The following INTS3 variants were observed in gnomAD, a reference collection of about 807,000 sequenced individuals.
INTS3 encodes integrator complex subunit 3, also known as SOSS complex subunit A.
In INTS3, 34 loss-of-function variants were observed where a neutral mutation model predicts 146.3. The observed-to-expected ratio is 0.23, with a 90% CI of 0.18 to 0.31. INTS3 has a LOEUF of 0.31. INTS3 is among the 10% of genes least tolerant of loss of function. INTS3 has a pLI of 1.00. For missense variants in INTS3, 757 were observed against 1,304.2 expected (o/e 0.58, Z 6.46); for synonymous variants, 475 against 494.9 (o/e 0.96, Z 0.53).
At chr1:153,748,587 T>C in intron 5 of INTS3, 102 bp from the exon 6 acceptor site, 1 of 906,608 alleles carries the variant, frequency 1.1e-6, no homozygotes, top group Admixed American at 1.7e-5. Context: ...ATGGCAGTAA[T>C]GGGATGGCAG....
chr1:153,741,104 C>T (rs563229431), intron 2 of INTS3, among the ~76,000 whole-genome samples, 181 bp from the exon 3 acceptor site: 128 of 152,216 alleles, frequency 8.4e-4, no homozygotes, highest in Non-Finnish European at 1.6e-3. Flanking sequence ...CCACACCTGT[C>T]GTCCTTATCT....
chr1:153,766,774 C>G (rs1031201038), intron 20 of INTS3: 1 of 151,334 alleles, frequency 6.6e-6, no homozygotes, highest in Non-Finnish European at 1.5e-5. Context: ...ACTGCAACCT[C>G]CGCATGCTAG....
rs1449549341 is a variant in INTS3, at chr1:153,773,307, C to T, written c.*37C>T. 1.2e-5 allele frequency: 19 copies of T among 1,562,284 alleles called. No homozygotes were observed. Among genetic ancestry groups the T allele is most frequent in the Admixed American group, 1.7e-5 (1 of 59,932 alleles). ...CCCCATCCCACCCCCGGCTGGACTG[C>T]CCTCTCCTTCTTGGTGATTCAAAGG... On this transcript the variant is annotated 3_prime_UTR_variant, in exon 30 of 30. Transcript: ENST00000318967.
At chr1:153,749,520 T>A (rs1671876147) in intron 6 of INTS3, among the ~76,000 whole-genome samples, 1 of 152,220 alleles carries the variant, frequency 6.6e-6, no homozygotes, top group Non-Finnish European at 1.5e-5. Context: ...CGTTCACACT[T>A]GTGAAAGAGA....
intron 10 of INTS3, among the ~76,000 whole-genome samples, chr1:153,758,088 TCA>T (rs1672228330): frequency 6.6e-6 from 1 of 152,202 alleles, no homozygotes. Flanking sequence ...TGTTTCTTTC[TCA>T]GATTCAGAGC....
Position 153,737,132 on chromosome 1 carries a change from A to C in INTS3, c.151-3519A>C, listed in dbSNP as rs1035089813. 2.6e-5 allele frequency among the ~76,000 whole-genome samples: 4 copies of C among 152,206 alleles called. No homozygotes were observed. The East Asian group carries it at 5.8e-4, about 22-fold the overall frequency. On this transcript the variant is annotated intron_variant, in intron 1 of 29. Coordinates refer to ENST00000318967, the MANE Select transcript of INTS3 (RefSeq NM_023015.5). ...TCAGTTCTTCAAAATGCTGTGATAG[A>C]ACCACTTCTCAATAAGATGTGTGGT...
chr1:153,744,679 T>C (rs1415871650), intron 3 of INTS3, among the ~76,000 whole-genome samples: 1 of 152,202 alleles, frequency 6.6e-6, no homozygotes, highest in East Asian at 1.9e-4. Context: ...GTTAGGAGTC[T>C]CTCAAGGCTA....
In INTS3 at chr1:153,728,618, G is replaced by T. The variant is rs1670947051; in HGVS notation, c.-17G>T. Reference sequence around the variant, plus strand: ...TCCATCCACTCCCTGACCTTTTCCCGGCTCCTGGCTGCAGCCATGGAGTTG... The same window carrying T: ...TCCATCCACTCCCTGACCTTTTCCCTGCTCCTGGCTGCAGCCATGGAGTTG... On this transcript the variant is annotated 5_prime_UTR_variant, in exon 1 of 30. Coordinates refer to ENST00000318967, the MANE Select transcript of INTS3 (RefSeq NM_023015.5). 6.3e-7 allele frequency: 1 copy of T among 1,593,402 alleles called. No individual in the cohort carries two copies. Among genetic ancestry groups the T allele is most frequent in the Non-Finnish European group, 8.5e-7 (1 of 1,173,124 alleles).
chr1:153,760,352 C>T lies in INTS3; in HGVS notation c.1279C>T (p.Pro427Ser). 1 of 1,613,984 alleles carries T rather than the reference C, an allele frequency of 6.2e-7. No individual in the cohort carries two copies. Among genetic ancestry groups the T allele is most frequent in the African/African-American group, 1.3e-5 (1 of 74,982 alleles). Reference protein sequence around the residue: ...LVMHHSMKPHPAITATLLDFM... With the variant: ...LVMHHSMKPHSAITATLLDFM... ...CATGCACCACTCCATGAAGCCCCAC[C>T]CAGCCATCACTGCCACACTCCTGGA... The change falls in exon 12 of 30, where the codon CCA (proline) becomes TCA (serine). Residue 427 changes from proline (P) to serine (S), a missense_variant. Physicochemically the swap from Pro to Ser is moderately conservative, Grantham distance 74. This residue lies in a region of INTS3 where 35 missense variants were observed against 122.2 expected (regional missense o/e 0.29). Transcript: ENST00000318967.
At chr1:153,745,866 G>A (rs934359671) in intron 3 of INTS3, among the ~76,000 whole-genome samples, 3 of 152,146 alleles carry the variant, frequency 2.0e-5, no homozygotes, top group Non-Finnish European at 4.4e-5. Context: ...AGCTACTGAG[G>A]AGGCCGAGGT....
chr1:153,749,511 G>A (rs1188931251), intron 6 of INTS3, among the ~76,000 whole-genome samples: 4 of 152,224 alleles, frequency 2.6e-5, no homozygotes, highest in South Asian at 4.1e-4. Flanking sequence ...TCCTCCCAAC[G>A]TTCACACTTG....
rs368452768 is a variant in INTS3 at position 153,737,372 on chromosome 1, T to G, written c.151-3279T>G. 3.8e-3 allele frequency among the ~76,000 whole-genome samples: 579 copies of G among 152,348 alleles called. 5 individuals are homozygous for G. The highest frequency in any genetic ancestry group is 5.6e-3 in the Non-Finnish European group (384 of 68,030). On this transcript the variant is annotated intron_variant, in intron 1 of 29. Transcript: ENST00000318967. Reference sequence around the variant, plus strand: ...TTGTCAGTATCTTACCAATATTGCTTCTTCTGAACAGGGACCAGTGACTAA... The same window carrying G: ...TTGTCAGTATCTTACCAATATTGCTGCTTCTGAACAGGGACCAGTGACTAA...
At chr1:153,755,401 T>A (rs1358095941) in intron 9 of INTS3, among the ~76,000 whole-genome samples, 1 of 152,104 alleles carries the variant, frequency 6.6e-6, no homozygotes, top group African/African-American at 2.4e-5. Flanking sequence ...GTAGCTAGGA[T>A]TACAGGCATG....
Position 153,740,725 on chromosome 1 carries a change from C to T in INTS3, c.225C>T (p.Leu75=), listed in dbSNP as rs1671497058. The T allele has an allele frequency of 1.2e-6, 2 of 1,611,576 alleles. No homozygotes were observed. Among genetic ancestry groups the T allele is most frequent in the Non-Finnish European group, 1.7e-6 (2 of 1,177,738 alleles). The change falls in exon 2 of 30, where the codon CTC becomes CTT. Residue 75 remains leucine (L), a synonymous_variant. Transcript: ENST00000318967. The part of the protein sequence containing the change: ...GVSEREANDA[L]NAYVCKGLPQ... ...CGGAGAGAGAAGCCAATGATGCCCT[C>T]AATGCGTATGTAAGTAGAATGCTGT...
rs1167423923 is a variant in INTS3, at chr1:153,728,423, C to T, written c.-212C>T. ...AACGCCTTTCCCTCAGCACTGCCAC[C>T]CCAGAGTCAGGACCCAGAGGACTGT... On this transcript the variant is annotated 5_prime_UTR_variant, in exon 1 of 30. Transcript: ENST00000318967. 1.8e-6 allele frequency: 1 copy of T among 543,000 alleles called. No individual in the cohort carries two copies. The highest frequency in any genetic ancestry group is 3.2e-6 in the Non-Finnish European group (1 of 313,268). The allele number at this position is 543,000 out of a possible 1,614,324, so 33.6% of individuals were successfully genotyped here. A position where few individuals can be genotyped will look rare whatever the true frequency, so the allele number is the denominator to read the frequency against.
intron 2 of INTS3, 27 bp downstream of exon 2, chr1:153,740,761 A>G: frequency 6.6e-7 from 1 of 1,518,146 alleles, no homozygotes; most frequent in South Asian, 1.1e-5. Context: ...CCCTGCAGCC[A>G]CTGCTGCTGC....
chr1:153,767,046 C>G (rs1452317017), intron 20 of INTS3: 1 of 152,130 alleles, frequency 6.6e-6, no homozygotes, highest in Non-Finnish European at 1.5e-5. Context: ...TGTTGCATAC[C>G]AAAAGTGTTC....
intron 1 of INTS3, among the ~76,000 whole-genome samples, chr1:153,739,314 C>T (rs573228932): frequency 1.3e-5 from 2 of 152,096 alleles, no homozygotes; most frequent in Non-Finnish European, 2.9e-5. Flanking sequence ...ATCCACCCGC[C>T]TCGGCCTCCC....
At chr1:153,750,938 A>T in intron 6 of INTS3, 157 bp from the exon 7 acceptor site, 1 of 646,738 alleles carries the variant, frequency 1.5e-6, no homozygotes, top group Admixed American at 3.1e-5. Flanking sequence ...CAAGATAGAT[A>T]CTAGCATGAG....
Sources: gnomAD v4.1 joint callset for allele counts (sites outside exome capture counted in the v4.1 genomes callset) on GRCh38, gnomAD v4.1.1 for gene constraint, gnomAD v4.1.1 regional missense constraint, MANE v1.5 for transcripts, NCBI Gene and HGNC (gene_info 2026-07-23, HGNC 2026-07-21) for gene names.